ATM: variants seen among roughly 807,000 people sequenced by gnomAD.
ATM encodes the protein ATM serine/threonine kinase, also known as serine-protein kinase ATM.
Under a neutral mutation model 387.0 loss-of-function variants are expected in ATM, and 308 were observed. The observed-to-expected ratio is 0.80, with a 90% CI of 0.73 to 0.87. The LOEUF (loss-of-function observed/expected upper bound fraction) is 0.87, where lower values mean the gene tolerates loss of function less well. Among genes scored for constraint, ATM ranks in the 40% least tolerant of loss-of-function variants. ATM has a pLI of 0.00. For missense variants in ATM, 3,312 were observed against 3,560.9 expected (o/e 0.93, Z 1.78); for synonymous variants, 1,156 against 1,187.3 (o/e 0.97, Z 0.54).
intron 8 of ATM, 64 bp from the exon 9 acceptor site, chr11:108,248,869 C>CA: frequency 7.1e-7 from 1 of 1,405,792 alleles, no homozygotes; most frequent in Middle Eastern, 2.5e-4. Context: ...ACCTGGGCAA[C>CA]AACAGCGAAA....
In ATM at chr11:108,326,230, G is replaced by GT. The variant is rs763287238; in HGVS notation, c.6975+13dup. The GT allele has an allele frequency of 1.0e-4, 164 of 1,608,806 alleles. No homozygotes were observed. Among genetic ancestry groups the GT allele is most frequent in the Middle Eastern group, 8.2e-4 (5 of 6,066 alleles). On this transcript the variant is annotated splice_donor_region_variant and intron_variant, in intron 47 of 62. Coordinates refer to ENST00000675843, the MANE Select transcript of ATM (RefSeq NM_000051.4). ...TTGGATGCCAGCTGTGCAGCGGTTT[G>GT]TTTTTTTTATTGGCTGGATTAGTGT...
intron 9 of ATM, among the ~76,000 whole-genome samples, chr11:108,250,148 A>G (rs1184520913): frequency 1.3e-5 from 2 of 149,054 alleles, no homozygotes; most frequent in Admixed American, 6.7e-5. Context: ...CTAAATATAT[A>G]TATATATATA....
intron 27 of ATM, among the ~76,000 whole-genome samples, chr11:108,288,501 C>CT (rs35604622): frequency 0.56 from 70,530 of 126,634 alleles, 19,109 homozygotes; most frequent in Middle Eastern, 0.75. Flanking sequence ...ATATGCTTTA[C>CT]TTTTTTTTTT....
At chr11:108,343,499 T>C in intron 57 of ATM, 128 bp downstream of exon 57, 1 of 1,146,066 alleles carries the variant, frequency 8.7e-7, no homozygotes, top group Non-Finnish European at 1.2e-6. Flanking sequence ...AGATACTAAG[T>C]AAAAGAAAAA....
At chr11:108,348,186 TTAATA>T (rs1336378998) in intron 59 of ATM, among the ~76,000 whole-genome samples, 2 of 151,888 alleles carry the variant, frequency 1.3e-5, no homozygotes, top group Admixed American at 1.3e-4. Flanking sequence ...AATAGACAGT[TTAATA>T]TATAAGAAAG....
At chr11:108,303,096 TACTG>T in intron 36 of ATM, 67 bp downstream of exon 36, 9 of 1,391,030 alleles carry the variant, frequency 6.5e-6, no homozygotes, top group Non-Finnish European at 9.1e-6. Context: ...AGTGCTGTGA[TACTG>T]CACATCATCT....
chr11:108,238,326 A>T (rs927668428), intron 5 of ATM, among the ~76,000 whole-genome samples: 21 of 151,108 alleles, frequency 1.4e-4, no homozygotes, highest in Admixed American at 1.1e-3. Context: ...TTTATATATT[A>T]AAAAAAATAG....
intron 61 of ATM, among the ~76,000 whole-genome samples, chr11:108,363,879 A>G (rs970628580): frequency 1.3e-4 from 20 of 152,308 alleles, no homozygotes; most frequent in African/African-American, 4.6e-4. Context: ...TCTAGTCTGT[A>G]TTAGAGGCCT....
chr11:108,284,888 C>G (rs1029070962), intron 26 of ATM, among the ~76,000 whole-genome samples: 7 of 152,156 alleles, frequency 4.6e-5, no homozygotes, highest in African/African-American at 1.7e-4. Context: ...CTATAGTTCT[C>G]ATACCCTGCT....
At chr11:108,252,702 C>T in intron 11 of ATM, 115 bp from the exon 12 acceptor site, 1 of 741,830 alleles carries the variant, frequency 1.3e-6, no homozygotes, top group East Asian at 2.7e-5. Context: ...CAATTTTAAT[C>T]TAGGATCCAA....
chr11:108,227,779 G>C lies in ATM; in HGVS notation c.76G>C (p.Glu26Gln), dbSNP rs730881361. ...ATTATTTCCTTTTTATTTTCAGAAAGAAGTTGAGAAATTTAAGCGCCTGAT... is the reference window on the plus strand; with the variant it reads ...ATTATTTCCTTTTTATTTTCAGAAACAAGTTGAGAAATTTAAGCGCCTGAT... ...EHDRATERKK[E>Q]VEKFKRLIRD... Residue 26 changes from glutamate (E) to glutamine (Q), a missense_variant, in exon 3 of 63, where the codon GAA becomes CAA. This residue lies in a region of ATM where 1,791 missense variants were observed against 1,804.5 expected (regional missense o/e 0.99). Transcript: ENST00000675843. The C allele has an allele frequency of 1.9e-6, 3 of 1,613,358 alleles. No homozygotes were observed. Among genetic ancestry groups the C allele is most frequent in the Non-Finnish European group, 2.5e-6 (3 of 1,179,694 alleles).
At chr11:108,359,704 C>T (rs1207362300) in intron 61 of ATM, among the ~76,000 whole-genome samples, 4 of 152,038 alleles carry the variant, frequency 2.6e-5, no homozygotes, top group Non-Finnish European at 4.4e-5. Flanking sequence ...CTACTGGATA[C>T]ATAATGAAAT....
At chr11:108,349,154 G>T (rs2088859051) in intron 59 of ATM, among the ~76,000 whole-genome samples, 1 of 152,200 alleles carries the variant, frequency 6.6e-6, no homozygotes, top group Non-Finnish European at 1.5e-5. Context: ...AGGAAGTCAG[G>T]ATCTTGGAAG....
rs1057522845 is a variant in ATM, at chr11:108,257,498, A to G, written c.2268A>G (p.Ala756=). The change falls in exon 15 of 63, where the codon GCA becomes GCG. Residue 756 remains alanine (A), a synonymous_variant. Coordinates refer to ENST00000675843, the MANE Select transcript of ATM (RefSeq NM_000051.4). ...FQKAKSLMQC[A]GESITLFKNK... is the part of the protein sequence containing the mutation. Reference sequence around the variant, plus strand: ...CACAATAGTCTCTAATGCAATGTGCAGGAGAAAGTATCACTCTGTTTAAAA... The same window carrying G: ...CACAATAGTCTCTAATGCAATGTGCGGGAGAAAGTATCACTCTGTTTAAAA... 1 of 1,613,508 alleles carries G rather than the reference A, an allele frequency of 6.2e-7. No homozygotes were observed. Among genetic ancestry groups the G allele is most frequent in the Non-Finnish European group, 8.5e-7 (1 of 1,179,824 alleles).
At chr11:108,235,519 T>C (rs2079225128) in intron 4 of ATM, 151 bp from the exon 5 acceptor site, 1 of 675,630 alleles carries the variant, frequency 1.5e-6, no homozygotes, top group African/African-American at 1.8e-5. Flanking sequence ...AAATGAATTT[T>C]GCTTGGGGCC....
At position 108,365,138 on chromosome 11, in the gene ATM, T is replaced by G; in HGVS notation, c.8907T>G (p.Tyr2969Ter). The change falls in exon 62 of 63, where the codon TAT becomes TAG. Residue 2969 changes from tyrosine (Y) to a stop codon, truncating the protein, a stop_gained. Coordinates refer to ENST00000675843, the MANE Select transcript of ATM (RefSeq NM_000051.4). LOFTEE classifies it high-confidence loss of function. ...CCATGAATCCTTTGAAAGCTTTGTA[T>G]TTACAGCAGAGGCCGGAAGATGAAA... ...DWTMNPLKAL[Y>*]LQQRPEDETE... is the part of the protein sequence containing the mutation. 6.2e-7 allele frequency: 1 copy of G among 1,614,214 alleles called. No individual in the cohort carries two copies.
chr11:108,277,193 A>C (rs1288680488), intron 22 of ATM, among the ~76,000 whole-genome samples: 1 of 152,100 alleles, frequency 6.6e-6, no homozygotes, highest in Non-Finnish European at 1.5e-5. Context: ...CTGAAGCCTC[A>C]GTAATTGCAG....
chr11:108,361,616 C>A (rs2090768079), intron 61 of ATM, among the ~76,000 whole-genome samples: 1 of 151,624 alleles, frequency 6.6e-6, no homozygotes, highest in South Asian at 2.1e-4. Flanking sequence ...ATCAATGGAA[C>A]AGAACAGAGC....
chr11:108,315,147 A>G (rs910916360), intron 40 of ATM, among the ~76,000 whole-genome samples: 5 of 152,238 alleles, frequency 3.3e-5, no homozygotes, highest in African/African-American at 1.2e-4. Context: ...TACTAGAGAA[A>G]TGAACTGCTC....
Sources: allele counts gnomAD v4.1 joint callset (sites outside exome capture counted in the v4.1 genomes callset), GRCh38; gene constraint gnomAD v4.1.1; regional missense constraint gnomAD v4.1.1; transcripts MANE v1.5; gene names NCBI Gene and HGNC (gene_info 2026-07-23, HGNC 2026-07-21).